Variants in GRAP2 observed in about 807,000 individuals in gnomAD.
GRAP2 encodes the protein GRB2-related adapter protein 2.
A neutral mutation model predicts 43.5 loss-of-function variants in GRAP2; 31 were observed. That is an observed-to-expected ratio of 0.71 (90% CI 0.54 to 0.96). GRAP2 has a LOEUF of 0.96. GRAP2 is among the 40% of genes least tolerant of loss of function. The probability of loss-of-function intolerance (pLI) is 0.00; values close to 1 mark genes in which losing one functional copy is unlikely to be tolerated. For missense variants in GRAP2, 371 were observed against 424.4 expected (o/e 0.87, Z 1.11); for synonymous variants, 156 against 164.8 (o/e 0.95, Z 0.41).
At chr22:39,960,316 C>G in intron 4 of GRAP2, 142 bp downstream of exon 4, 1 of 719,434 alleles carries the variant, frequency 1.4e-6, no homozygotes, top group South Asian at 1.7e-5. Flanking sequence ...AGCAGCTTCA[C>G]AACCTGCTGC....
At chr22:39,965,762 C>G (rs190750314) in intron 4 of GRAP2, among the ~76,000 whole-genome samples, 3 of 152,288 alleles carry the variant, frequency 2.0e-5, no homozygotes, top group African/African-American at 7.2e-5. Flanking sequence ...ATCTGATTAC[C>G]TTCTGCTGAT....
chr22:39,916,338 C>T (rs2066602422), intron 1 of GRAP2, among the ~76,000 whole-genome samples: 1 of 152,202 alleles, frequency 6.6e-6, no homozygotes, highest in African/African-American at 2.4e-5. Context: ...CCAAAACATC[C>T]TGCAAAAAGG....
intron 3 of GRAP2, among the ~76,000 whole-genome samples, chr22:39,957,502 C>A (rs1312068516): frequency 1.3e-5 from 2 of 152,208 alleles, no homozygotes; most frequent in African/African-American, 4.8e-5. Flanking sequence ...AAGGAACTGT[C>A]ACTGCTTCTA....
chr22:39,903,301 TC>T (rs2145564605), intron 1 of GRAP2, among the ~76,000 whole-genome samples: 1 of 152,224 alleles, frequency 6.6e-6, no homozygotes, highest in African/African-American at 2.4e-5. Flanking sequence ...GGTCGCTAGG[TC>T]CCCATTTTGT....
At chr22:39,928,483 C>T (rs938980740) in intron 1 of GRAP2, among the ~76,000 whole-genome samples, 4 of 152,160 alleles carry the variant, frequency 2.6e-5, no homozygotes, top group Non-Finnish European at 5.9e-5. Context: ...TTTTAAGGAA[C>T]GTGCCCAACT....
At chr22:39,968,862 C>A (rs960862672) in intron 6 of GRAP2, among the ~76,000 whole-genome samples, 22 of 152,202 alleles carry the variant, frequency 1.4e-4, no homozygotes, top group African/African-American at 4.8e-4. Flanking sequence ...ATTCCAGCAA[C>A]CCCCCACGCT....
At chr22:39,926,363 G>A (rs186063293) in intron 1 of GRAP2, among the ~76,000 whole-genome samples, 2 of 151,916 alleles carry the variant, frequency 1.3e-5, no homozygotes, top group Non-Finnish European at 2.9e-5. Context: ...ACGCAGCAGA[G>A]AGTGTGCGTA....
At chr22:39,909,503 T>C (rs1353493522) in intron 1 of GRAP2, among the ~76,000 whole-genome samples, 1 of 152,250 alleles carries the variant, frequency 6.6e-6, no homozygotes, top group Non-Finnish European at 1.5e-5. Context: ...TGCTTCGTCT[T>C]GTAGATGCTG....
Position 39,966,019 on chromosome 22 carries a change from T to G in GRAP2, c.320T>G (p.Val107Gly). ...RHEDDVQHFK[V>G]MRDNKGNYFL... ...GAGGATGACGTTCAACACTTCAAGG[T>G]CATGCGAGACAACAAGGGTAATTAC... Residue 107 changes from valine (V) to glycine (G), a missense_variant, in exon 5 of 8, where the codon GTC (valine) becomes GGC (glycine). Coordinates refer to ENST00000344138, the MANE Select transcript of GRAP2 (RefSeq NM_004810.4). 6.2e-7 allele frequency: 1 copy of G among 1,614,112 alleles called. No individual in the cohort carries two copies. Among genetic ancestry groups the G allele is most frequent in the Non-Finnish European group, 8.5e-7 (1 of 1,179,954 alleles).
Position 39,968,152 on chromosome 22 carries a change from C to A in GRAP2, c.570C>A (p.Pro190=). 1.2e-6 allele frequency: 2 copies of A among 1,607,094 alleles called. No individual in the cohort carries two copies. Among genetic ancestry groups the A allele is most frequent in the Admixed American group, 1.7e-5 (1 of 58,632 alleles). Residue 190 remains proline (P), a synonymous_variant, in exon 6 of 8, where the codon CCC becomes CCA. Coordinates refer to ENST00000344138, the MANE Select transcript of GRAP2 (RefSeq NM_004810.4). ...PSMNRKLSDH[P]PTLPLQQHQH... ...TGAACCGGAAGCTGTCGGATCACCC[C>A]CCGACCCTTCCCCTGCAGCAGCACC...
At chr22:39,922,552 C>A (rs1483242301) in intron 1 of GRAP2, among the ~76,000 whole-genome samples, 2 of 152,202 alleles carry the variant, frequency 1.3e-5, no homozygotes, top group East Asian at 3.9e-4. Flanking sequence ...TGCAGGTGTG[C>A]AGAGCCAGAG....
At chr22:39,967,537 T>C (rs1294707220) in intron 5 of GRAP2, among the ~76,000 whole-genome samples, 2 of 152,176 alleles carry the variant, frequency 1.3e-5, no homozygotes, top group Non-Finnish European at 2.9e-5. Flanking sequence ...CCTTACTTCT[T>C]CCCCCACGTC....
intron 3 of GRAP2, among the ~76,000 whole-genome samples, chr22:39,956,320 G>A (rs1298727804): frequency 6.6e-6 from 1 of 151,796 alleles, no homozygotes; most frequent in Non-Finnish European, 1.5e-5. Flanking sequence ...ACCACGCCAG[G>A]CTAGTTTTTG....
At chr22:39,914,072 C>T (rs538986879) in intron 1 of GRAP2, among the ~76,000 whole-genome samples, 6 of 152,142 alleles carry the variant, frequency 3.9e-5, no homozygotes, top group Non-Finnish European at 7.3e-5. Flanking sequence ...TTTTAATCCC[C>T]TCATTATCCT....
intron 3 of GRAP2, among the ~76,000 whole-genome samples, chr22:39,957,755 C>T (rs149996648): frequency 2.6e-5 from 4 of 151,854 alleles, no homozygotes; most frequent in East Asian, 3.9e-4. Context: ...GGCAACATAG[C>T]GAGCCCCATC....
chr22:39,905,461 C>T (rs577614531), intron 1 of GRAP2, among the ~76,000 whole-genome samples: 3 of 152,094 alleles, frequency 2.0e-5, no homozygotes, highest in Non-Finnish European at 2.9e-5. Context: ...ACTTACTAAG[C>T]GAATGAACTG....
Position 39,955,742 on chromosome 22 carries a change from T to TGA in GRAP2, c.79-77_79-76insGA, listed in dbSNP as rs113690493. 2.4e-3 allele frequency: 1,849 copies of TGA among 755,758 alleles called. 17 individuals carry two copies. In the African/African-American group the frequency reaches 0.027, roughly 11 times the overall value. 46.8% of individuals were successfully genotyped at this position (755,758 alleles called of 1,614,324 possible). A position where few individuals can be genotyped will look rare whatever the true frequency, so the allele number is the denominator to read the frequency against. ...TCCTCTAAGTCCAAAAGGGCCTTCTTTGCCTGGCAGCCCCTTTCTCTTGTT... is the reference window on the plus strand; with the variant it reads ...TCCTCTAAGTCCAAAAGGGCCTTCTTGATGCCTGGCAGCCCCTTTCTCTTGTT... On this transcript the variant is annotated intron_variant, in intron 2 of 7. Transcript: ENST00000344138.
intron 5 of GRAP2, among the ~76,000 whole-genome samples, chr22:39,966,399 A>G (rs1156585277): frequency 1.3e-5 from 2 of 152,208 alleles, no homozygotes; most frequent in South Asian, 2.1e-4. Context: ...ACCTCCCAGA[A>G]TGGCTGTGAA....
intron 4 of GRAP2, chr22:39,964,226 C>G: frequency 1.7e-6 from 1 of 576,046 alleles, no homozygotes; most frequent in Non-Finnish European, 3.1e-6. Context: ...AAGGCTCAGC[C>G]CACCCTTCCT....
Sources: gnomAD v4.1 joint callset for allele counts (sites outside exome capture counted in the v4.1 genomes callset) on GRCh38, gnomAD v4.1.1 for gene constraint, MANE v1.5 for transcripts, NCBI Gene and HGNC (gene_info 2026-07-23, HGNC 2026-07-21) for gene names.